N4BP2L2: variants seen among roughly 807,000 people sequenced by gnomAD.
N4BP2L2 encodes NEDD4-binding protein 2-like 2.
N4BP2L2 carries 50 observed loss-of-function variants against 56.2 expected under a neutral mutation model. The observed-to-expected ratio is 0.89, with a 90% CI of 0.71 to 1.13. The LOEUF (loss-of-function observed/expected upper bound fraction) is 1.13. Among genes scored for constraint, N4BP2L2 ranks in the 50% most tolerant of loss-of-function variants. N4BP2L2 has a pLI of 0.00. For synonymous variants in N4BP2L2, 203 were observed against 223.6 expected (o/e 0.91, Z 0.82); for missense variants, 689 against 693.8 (o/e 0.99, Z 0.08).
intron 6 of N4BP2L2, among the ~76,000 whole-genome samples, chr13:32,486,166 T>C (rs547188402): frequency 6.6e-6 from 1 of 152,254 alleles, no homozygotes; most frequent in African/African-American, 2.4e-5. Flanking sequence ...TCATACTTAA[T>C]GGTGAAAGGC....
chr13:32,536,636 G>C, exon 2 of N4BP2L2: 1 of 1,613,830 alleles, frequency 6.2e-7, no homozygotes, highest in Non-Finnish European at 8.5e-7. Flanking sequence ...CTTTTTCTCA[G>C]GGGGTTTGTA....
intron 6 of N4BP2L2, chr13:32,504,477 C>T (rs1047291079): frequency 6.6e-6 from 1 of 152,192 alleles, no homozygotes; most frequent in Non-Finnish European, 1.5e-5. Flanking sequence ...TGGATTAGGG[C>T]TCATATGTAT....
intron 7 of N4BP2L2, among the ~76,000 whole-genome samples, chr13:32,441,809 C>T (rs903802413): frequency 1.0e-4 from 15 of 148,472 alleles, no homozygotes; most frequent in African/African-American, 2.9e-4. Context: ...TTTGGGAGGC[C>T]GAGGCGGGCG....
intron 6 of N4BP2L2, among the ~76,000 whole-genome samples, chr13:32,450,045 T>C (rs1002060161): frequency 3.9e-5 from 6 of 152,204 alleles, no homozygotes; most frequent in African/African-American, 1.4e-4. Flanking sequence ...AGCATAATAA[T>C]GATTGAGTGC....
chr13:32,499,525 C>T (rs2089551283), intron 6 of N4BP2L2, among the ~76,000 whole-genome samples: 1 of 152,174 alleles, frequency 6.6e-6, no homozygotes, highest in Non-Finnish European at 1.5e-5. Flanking sequence ...ATACAATGTT[C>T]TCATGATCGC....
chr13:32,450,485 C>T (rs1374829270), intron 6 of N4BP2L2, among the ~76,000 whole-genome samples: 2 of 151,530 alleles, frequency 1.3e-5, no homozygotes, highest in Non-Finnish European at 2.9e-5. Flanking sequence ...CAACCATGCC[C>T]GGTTAATTTT....
At chr13:32,525,531 C>T (rs1038158526) in intron 3 of N4BP2L2, 10 of 152,208 alleles carry the variant, frequency 6.6e-5, no homozygotes, top group African/African-American at 2.4e-4. Context: ...CGTATGTAGT[C>T]CCAGCTACCT....
intron 2 of N4BP2L2, among the ~76,000 whole-genome samples, chr13:32,528,715 G>A (rs548003670): frequency 6.6e-6 from 1 of 152,226 alleles, no homozygotes; most frequent in East Asian, 1.9e-4. Flanking sequence ...GGGATGGAAG[G>A]TGGTATATTA....
At chr13:32,507,306 A>G (rs1365071003), downstream of N4BP2L2, 2 of 152,074 alleles carry the variant, frequency 1.3e-5, no homozygotes, top group East Asian at 3.9e-4. Flanking sequence ...AGTTAAATAT[A>G]CAGACTGGAG....
intron 6 of N4BP2L2, chr13:32,504,510 C>CT (rs1353877968): frequency 1.3e-5 from 2 of 152,138 alleles, no homozygotes; most frequent in African/African-American, 4.8e-5. Context: ...TCTTAATTAC[C>CT]TTTTTAAAGG....
At chr13:32,498,815 C>T (rs1272697854) in intron 6 of N4BP2L2, among the ~76,000 whole-genome samples, 1 of 150,124 alleles carries the variant, frequency 6.7e-6, no homozygotes, top group African/African-American at 2.4e-5. Context: ...TCAGCCTGGG[C>T]AACATGGTGA....
At chr13:32,507,045 T>C (rs2091069911), downstream of N4BP2L2, 1 of 152,062 alleles carries the variant, frequency 6.6e-6, no homozygotes, top group African/African-American at 2.4e-5. Context: ...ATCCATCAAA[T>C]GATGGTAGTT....
At chr13:32,507,768 T>C (rs1420497191), downstream of N4BP2L2, 1 of 152,092 alleles carries the variant, frequency 6.6e-6, no homozygotes, top group Non-Finnish European at 1.5e-5. Context: ...AGGACTAGAT[T>C]ATGTAGTGTC....
At chr13:32,442,390 A>C (rs766403481) in exon 7 of N4BP2L2, 26 of 1,576,322 alleles carry the variant, frequency 1.6e-5, no homozygotes, top group Non-Finnish European at 2.1e-5. Context: ...CAACTTACCC[A>C]TTGGAACGCC....
exon 6 of N4BP2L2, chr13:32,510,323 C>T (rs1301421865): frequency 2.0e-5 from 3 of 151,982 alleles, no homozygotes; most frequent in African/African-American, 7.2e-5. Context: ...GAACACTATA[C>T]ATTTCAAATG....
exon 2 of N4BP2L2, chr13:32,536,712 G>C: frequency 6.2e-7 from 1 of 1,614,114 alleles, no homozygotes; most frequent in African/African-American, 1.3e-5. Context: ...AATGGAGGAC[G>C]TGCTTCCTGT....
chr13:32,521,402 C>T lies in N4BP2L2; in HGVS notation c.1521G>A (p.Trp507Ter), dbSNP rs566032540. 6.8e-6 allele frequency: 11 copies of T among 1,612,958 alleles called. No individual in the cohort carries two copies. The Admixed American group carries it at 1.0e-4, about 15-fold the overall frequency. ...CTAATTCTTCAGGATCAAATTTCCA[C>T]CAAGTTTCAGGTTCATGAAACTCTA... Residue 507 changes from tryptophan (W) to a stop codon, truncating the protein, a stop_gained, in exon 5 of 6, where the codon TGG becomes TGA. Coordinates refer to ENST00000267068, the Ensembl canonical transcript of N4BP2L2. LOFTEE classifies it high-confidence loss of function.
intron 6 of N4BP2L2, among the ~76,000 whole-genome samples, chr13:32,456,357 A>G (rs1005536261): frequency 1.3e-5 from 2 of 152,260 alleles, no homozygotes; most frequent in South Asian, 4.1e-4. Flanking sequence ...AACCAACACC[A>G]TAGATACATC....
At chr13:32,472,583 GTAACAGA>G (rs2082519082) in intron 6 of N4BP2L2, among the ~76,000 whole-genome samples, 1 of 152,050 alleles carries the variant, frequency 6.6e-6, no homozygotes, top group African/African-American at 2.4e-5. Context: ...CCTCCCTAGA[GTAACAGA>G]TATGCCACCT....
Sources: gnomAD v4.1 joint callset for allele counts (sites outside exome capture counted in the v4.1 genomes callset) on GRCh38, gnomAD v4.1.1 for gene constraint, MANE v1.5 for transcripts, NCBI Gene and HGNC (gene_info 2026-07-23, HGNC 2026-07-21) for gene names.